XPO1: variants seen among roughly 807,000 people sequenced by gnomAD.
The protein encoded by XPO1 is exportin 1, also known as exportin-1.
In XPO1, 5 loss-of-function variants were observed where a neutral mutation model predicts 133.3. The observed-to-expected ratio is 0.04, with a 90% CI of 0.02 to 0.08. The LOEUF is 0.08. Ranked by LOEUF, XPO1 falls within the 10% of genes least tolerant of loss-of-function variation. The pLI, the probability that XPO1 is intolerant of heterozygous loss-of-function variation, is 1.00. For missense variants in XPO1, 506 were observed against 1,267.5 expected (o/e 0.40, Z 9.12); for synonymous variants, 419 against 408.2 (o/e 1.03, Z -0.32).
intron 23 of XPO1, 108 bp downstream of exon 23, chr2:61,482,272 G>T: frequency 4.0e-6 from 4 of 992,022 alleles, no homozygotes; most frequent in Admixed American, 3.1e-5. Context: ...TCCAACTTTT[G>T]GGCCCAAGCA....
In XPO1 at chr2:61,537,752, A is replaced by AACACACAC. The variant is rs34469311; in HGVS notation, c.-205_-198dup. On this transcript the variant is annotated 5_prime_UTR_variant, in exon 1 of 25. Coordinates refer to ENST00000401558, the MANE Select transcript of XPO1 (RefSeq NM_003400.4). The stretch of plus-strand genomic sequence containing the variant: ...TTACTATTTCAGGGACGCTTCCCCC[A>AACACACAC]ACACACACACACACACACACACACA... 17,782 of 139,020 alleles carry AACACACAC rather than the reference A, an allele frequency of 0.13. 1,229 individuals are homozygous for AACACACAC. Among genetic ancestry groups the AACACACAC allele is most frequent in the Admixed American group, 0.15 (2,158 of 14,048 alleles). 8.6% of individuals were successfully genotyped at this position (139,020 alleles called of 1,614,324 possible). A position where few individuals can be genotyped will look rare whatever the true frequency, so the allele number is the denominator to read the frequency against.
In XPO1 at chr2:61,482,920, G is replaced by A. The variant is rs1482918028; in HGVS notation, c.2812+37C>T. On this transcript the variant is annotated intron_variant, in intron 22 of 24. Transcript: ENST00000401558. ...TTATAGGCGTGAGGCCCTGTGCCCA[G>A]CTGGCACTTAACATTTAAATCGTAT... is the stretch of plus-strand genomic sequence containing the variant. The A allele has an allele frequency of 6.2e-6, 10 of 1,611,686 alleles. No homozygotes were observed. The South Asian group carries it at 1.1e-4, about 18-fold the overall frequency.
chr2:61,482,059 C>CTTTTTTTTTTTTTTTT (rs1273871116), intron 23 of XPO1, among the ~76,000 whole-genome samples: 414 of 40,932 alleles, frequency 0.01, 3 homozygotes, highest in Non-Finnish European at 0.013. Context: ...TTTTTTTTTG[C>CTTTTTTTTTTTTTTTT]TTTTTTAAAG....
In XPO1 at chr2:61,498,957, GAAAT is replaced by G. The variant is rs751802192; in HGVS notation, c.591-48_591-45del. ...AAAAATATCAGATTTAGAAGACACA[GAAAT>G]AAGTATCAGTTATCTATAATACTAA... On this transcript the variant is annotated intron_variant, in intron 7 of 24. Coordinates refer to ENST00000401558, the MANE Select transcript of XPO1 (RefSeq NM_003400.4). The G allele has an allele frequency of 5.9e-6, 9 of 1,526,948 alleles. No homozygotes were observed. The Admixed American group carries it at 2.0e-4, about 34-fold the overall frequency. The allele number at this position is 1,526,948 out of a possible 1,614,324, so 94.6% of individuals were successfully genotyped here.
intron 1 of XPO1, 90 bp from the exon 2 acceptor site, chr2:61,533,993 T>C (rs1428783144): frequency 8.2e-7 from 1 of 1,214,692 alleles, no homozygotes. Context: ...AACCATGTTA[T>C]TACAAATATT....
intron 4 of XPO1, among the ~76,000 whole-genome samples, chr2:61,511,883 C>G (rs748962590): frequency 1.3e-5 from 2 of 152,084 alleles, no homozygotes; most frequent in East Asian, 3.9e-4. Context: ...TGCAACCTAC[C>G]GAGTAGCTGG....
At chr2:61,525,916 T>C in intron 3 of XPO1, 1 of 1,049,460 alleles carries the variant, frequency 9.5e-7, no homozygotes, top group Non-Finnish European at 1.2e-6. Flanking sequence ...CAAAACACAT[T>C]TTGATCAACC....
chr2:61,502,716 G>A, intron 4 of XPO1: 1 of 164,446 alleles, frequency 6.1e-6, no homozygotes, highest in South Asian at 1.6e-4. Flanking sequence ...TCACGTCATT[G>A]CACTCCAGCC....
chr2:61,522,466 G>C (rs1432950991), intron 4 of XPO1, 145 bp downstream of exon 4: 4 of 682,102 alleles, frequency 5.9e-6, no homozygotes, highest in Non-Finnish European at 7.5e-6. Context: ...AATACAAACA[G>C]ACCTGTTTGC....
chr2:61,512,342 A>C (rs992893146), intron 4 of XPO1, among the ~76,000 whole-genome samples: 12 of 152,202 alleles, frequency 7.9e-5, no homozygotes, highest in African/African-American at 2.4e-4. Context: ...AAAACTTCCC[A>C]AGGAAATTAG....
At chr2:61,524,874 C>T (rs1369549983) in intron 3 of XPO1, among the ~76,000 whole-genome samples, 7 of 152,040 alleles carry the variant, frequency 4.6e-5, no homozygotes, top group Admixed American at 4.6e-4. Flanking sequence ...GCTATAATCA[C>T]ACCACTGCAC....
chr2:61,521,887 C>CT (rs1491378556), intron 4 of XPO1, among the ~76,000 whole-genome samples: 1 of 151,778 alleles, frequency 6.6e-6, no homozygotes, highest in Non-Finnish European at 1.5e-5. Flanking sequence ...ACTGATACCC[C>CT]TGTCCCCGCC....
chr2:61,532,465 G>C (rs1291920431), intron 2 of XPO1, among the ~76,000 whole-genome samples: 1 of 151,454 alleles, frequency 6.6e-6, no homozygotes, highest in Admixed American at 6.6e-5. Flanking sequence ...TAAATATCTT[G>C]ACAATATAAG....
intron 4 of XPO1, among the ~76,000 whole-genome samples, chr2:61,507,940 G>A (rs1422566712): frequency 6.6e-6 from 1 of 152,158 alleles, no homozygotes; most frequent in African/African-American, 2.4e-5. Context: ...TTGAAGTTGT[G>A]TGTCTTTGAT....
At chr2:61,526,593 A>C in intron 2 of XPO1, 72 bp from the exon 3 acceptor site, 1 of 1,192,210 alleles carries the variant, frequency 8.4e-7, no homozygotes, top group South Asian at 1.9e-5. Context: ...AATGAAAACT[A>C]CTGAGCAAGG....
chr2:61,485,986 T>C (rs1696671661), intron 19 of XPO1, 24 bp from the exon 20 acceptor site: 3 of 1,583,238 alleles, frequency 1.9e-6, no homozygotes, highest in Middle Eastern at 3.4e-4. Context: ...AAAAAAAAGT[T>C]ATGTTTTAAT....
Position 61,526,304 on chromosome 2 carries a change from T to A in XPO1, c.228+116A>T. The A allele has an allele frequency of 2.1e-6, 3 of 1,455,576 alleles. No homozygotes were observed. In the South Asian group the frequency reaches 4.3e-5, roughly 21 times the overall value. The allele number at this position is 1,455,576 out of a possible 1,614,324, so 90.2% of individuals were successfully genotyped here. A position where few individuals can be genotyped will look rare whatever the true frequency, so the allele number is the denominator to read the frequency against. On this transcript the variant is annotated intron_variant, in intron 3 of 24. Transcript: ENST00000401558. ...CTTAAGACTAAATTTTGAAACAAAT[T>A]AACAATATAAAATAATTTGAGATAA...
intron 3 of XPO1, chr2:61,525,718 A>C: frequency 9.7e-7 from 1 of 1,027,626 alleles, no homozygotes; most frequent in Non-Finnish European, 1.2e-6. Flanking sequence ...AGATGTCAAA[A>C]CTAATTAATA....
rs1033320254 is a variant in XPO1 at position 61,490,502 on chromosome 2, A to G, written c.2022+140T>C. The G allele has an allele frequency of 5.1e-5, 64 of 1,248,260 alleles. No individual in the cohort carries two copies. In the East Asian group the frequency reaches 1.6e-3, roughly 31 times the overall value. The allele number at this position is 1,248,260 out of a possible 1,614,324, so 77.3% of individuals were successfully genotyped here. On this transcript the variant is annotated intron_variant, in intron 17 of 24. Coordinates refer to ENST00000401558, the MANE Select transcript of XPO1 (RefSeq NM_003400.4). ...GCGTGAGCCACCACACCTCGCCCAG[A>G]TAATAAATTATAGAAAGACACACAT...
Sources: gnomAD v4.1 joint callset for allele counts (sites outside exome capture counted in the v4.1 genomes callset) on GRCh38, gnomAD v4.1.1 for gene constraint, MANE v1.5 for transcripts, NCBI Gene and HGNC (gene_info 2026-07-23, HGNC 2026-07-21) for gene names.